PC: variants seen among roughly 807,000 people sequenced by gnomAD.
The protein encoded by PC is pyruvate carboxylase, mitochondrial.
Under a neutral mutation model 107.8 loss-of-function variants are expected in PC, and 46 were observed. The observed-to-expected ratio is 0.43, with a 90% CI of 0.34 to 0.55. PC has a LOEUF of 0.55. Ranked by LOEUF, PC falls within the 20% of genes least tolerant of loss-of-function variation. The pLI is 0.04. For synonymous variants in PC, 662 were observed against 684.7 expected, an observed-to-expected ratio of 0.97 and a Z score of 0.52; for missense variants, 1,241 against 1,643.1, an observed-to-expected ratio of 0.76 and a Z score of 4.23.
intron 3 of PC, among the ~76,000 whole-genome samples, chr11:66,894,762 C>T (rs1286040634): frequency 6.6e-6 from 1 of 152,212 alleles, no homozygotes; most frequent in Non-Finnish European, 1.5e-5. Flanking sequence ...TGGCTCGCAC[C>T]TGTAATGCCA....
chr11:66,945,402 C>A, intron 3 of PC, among the ~76,000 whole-genome samples: 1 of 64,794 alleles, frequency 1.5e-5, no homozygotes, highest in Non-Finnish European at 3.0e-5. Flanking sequence ...AATAGATTAA[C>A]TGAATTCAAA....
At position 66,858,729 on chromosome 11, in the gene PC, C is replaced by T. The variant is rs776530207; in HGVS notation, c.1368+5045G>A. On this transcript the variant is annotated intron_variant, in intron 12 of 22. Coordinates refer to ENST00000393960, the MANE Select transcript of PC (RefSeq NM_001040716.2). This position sits in a 1 kb window ranked among gnomAD's most constrained non-coding sequence, Gnocchi z 5.9. ...GTTGGTTGGCAACTCCTCCCGAGCCCGGGCTTTCCCCAACGGGACCTTAGA... is the reference window on the plus strand; with the variant it reads ...GTTGGTTGGCAACTCCTCCCGAGCCTGGGCTTTCCCCAACGGGACCTTAGA... 4.5e-6 allele frequency: 7 copies of T among 1,553,174 alleles called. No homozygotes were observed. Among genetic ancestry groups the T allele is most frequent in the Middle Eastern group, 1.7e-4 (1 of 5,996 alleles).
At chr11:66,891,099 C>T (rs1183772974) in intron 3 of PC, among the ~76,000 whole-genome samples, 1 of 152,028 alleles carries the variant, frequency 6.6e-6, no homozygotes, top group Non-Finnish European at 1.5e-5. Context: ...CTCTGTCGCC[C>T]AAGCTTGAGT....
intron 3 of PC, among the ~76,000 whole-genome samples, chr11:66,902,166 G>A (rs1254357550): frequency 6.6e-6 from 1 of 152,200 alleles, no homozygotes; most frequent in Non-Finnish European, 1.5e-5. Context: ...GTTTGCTGCT[G>A]TTTTCTCTCC....
chr11:66,914,639 T>C (rs1948424208), intron 3 of PC, among the ~76,000 whole-genome samples: 1 of 152,156 alleles, frequency 6.6e-6, no homozygotes, highest in African/African-American at 2.4e-5. Flanking sequence ...AAACTGATAA[T>C]TCACTGCCAG....
chr11:66,878,623 C>T (rs765310697), intron 3 of PC, among the ~76,000 whole-genome samples: 1 of 152,240 alleles, frequency 6.6e-6, no homozygotes, highest in African/African-American at 2.4e-5. Flanking sequence ...AGTCCCACTC[C>T]ACCAAGAGCC....
At chr11:66,855,563 T>G (rs1945756667) in intron 12 of PC, among the ~76,000 whole-genome samples, 1 of 152,192 alleles carries the variant, frequency 6.6e-6, no homozygotes, top group Non-Finnish European at 1.5e-5. Flanking sequence ...CCTCCCAAAC[T>G]GCTGGGATTA....
chr11:66,925,652 A>G (rs1436121160), intron 3 of PC, among the ~76,000 whole-genome samples: 1 of 152,136 alleles, frequency 6.6e-6, no homozygotes, highest in Non-Finnish European at 1.5e-5. Flanking sequence ...GGCGACATAC[A>G]TCCTCCTCAG....
rs140557695 is a variant in PC at position 66,904,792 on chromosome 11, C to T, written c.1-32633G>A. Among the ~76,000 whole-genome samples the T allele has an allele frequency of 6.8e-3, 1,043 of 152,304 alleles. 38 individuals are homozygous for T. Among genetic ancestry groups the T allele is most frequent in the Non-Finnish European group, 3.6e-3 (244 of 68,010 alleles). On this transcript the variant is annotated intron_variant, in intron 3 of 22. Coordinates refer to ENST00000393960, the MANE Select transcript of PC (RefSeq NM_001040716.2). Reference sequence around the variant, plus strand: ...CTGCTGTGATTCTGTGGGAAGGGAACGGCATTAAGAGGAACGGCATTAAGA... The same window carrying T: ...CTGCTGTGATTCTGTGGGAAGGGAATGGCATTAAGAGGAACGGCATTAAGA...
At chr11:66,864,883 G>A (rs904304213) in intron 11 of PC, among the ~76,000 whole-genome samples, 6 of 152,272 alleles carry the variant, frequency 3.9e-5, no homozygotes, top group Admixed American at 2.0e-4. Flanking sequence ...TGGGGGGACC[G>A]CCCAGAGGGG....
chr11:66,906,714 G>A (rs754384827), intron 3 of PC, among the ~76,000 whole-genome samples: 17 of 151,980 alleles, frequency 1.1e-4, no homozygotes, highest in Non-Finnish European at 1.9e-4. Context: ...GACCTGGCAG[G>A]GAGCCTGGCC....
chr11:66,872,235 C>A, intron 3 of PC, 76 bp from the exon 4 acceptor site: 1 of 1,492,900 alleles, frequency 6.7e-7, no homozygotes, highest in South Asian at 1.2e-5. Context: ...GGGCCCTTCC[C>A]AACCCCACAG....
chr11:66,857,719 T>C lies in PC; in HGVS notation c.1369-4336A>G. ...GCCAGCCCCACCTGTGCCTGGGCTG[T>C]GGCCCCTTCCTACAGGGCGCTCACC... On this transcript the variant is annotated intron_variant, in intron 12 of 22. Transcript: ENST00000393960. This position sits in a 1 kb window ranked among gnomAD's most constrained non-coding sequence, Gnocchi z 7.1. 6.4e-7 allele frequency: 1 copy of C among 1,573,858 alleles called. No individual in the cohort carries two copies. The highest frequency in any genetic ancestry group is 8.6e-7 in the Non-Finnish European group (1 of 1,165,596).
intron 3 of PC, among the ~76,000 whole-genome samples, chr11:66,898,311 TTCA>T: frequency 6.6e-6 from 1 of 152,304 alleles, no homozygotes; most frequent in African/African-American, 2.4e-5. Context: ...TGCGCTGCCC[TTCA>T]GGGCCAGGGT....
At chr11:66,891,408 T>G (rs1947569625) in intron 3 of PC, among the ~76,000 whole-genome samples, 1 of 151,424 alleles carries the variant, frequency 6.6e-6, no homozygotes, top group African/African-American at 2.4e-5. Context: ...GTTTTGTTTT[T>G]TTGAGACAGA....
chr11:66,883,132 G>A (rs890148837), intron 3 of PC, among the ~76,000 whole-genome samples: 3 of 152,174 alleles, frequency 2.0e-5, no homozygotes, highest in Non-Finnish European at 2.9e-5. Flanking sequence ...GCTCCTCATC[G>A]CCCTGGCAAC....
chr11:66,943,151 T>C (rs1385928578), intron 3 of PC, among the ~76,000 whole-genome samples: 2 of 152,040 alleles, frequency 1.3e-5, no homozygotes, highest in Non-Finnish European at 2.9e-5. Flanking sequence ...GAGGTTGTCA[T>C]GAGGGTCCTG....
At chr11:66,946,111 A>G (rs1053378367) in intron 3 of PC, among the ~76,000 whole-genome samples, 2 of 151,944 alleles carry the variant, frequency 1.3e-5, no homozygotes, top group Non-Finnish European at 2.9e-5. Context: ...AAAAAAAAAA[A>G]AAAGAAATCT....
chr11:66,926,354 T>C (rs1249104750), intron 3 of PC, among the ~76,000 whole-genome samples: 1 of 152,184 alleles, frequency 6.6e-6, no homozygotes, highest in Admixed American at 6.5e-5. Context: ...ATTCAATAAA[T>C]ATTTATAGAG....
Sources: gnomAD v4.1 joint callset for allele counts (sites outside exome capture counted in the v4.1 genomes callset) on GRCh38, gnomAD v4.1.1 for gene constraint, Gnocchi (gnomAD v3.1) non-coding constraint, MANE v1.5 for transcripts, NCBI Gene and HGNC (gene_info 2026-07-23, HGNC 2026-07-21) for gene names.